Variants in SLCO3A1 observed in about 807,000 individuals in gnomAD.
The protein encoded by SLCO3A1 is solute carrier organic anion transporter family member 3A1, also known as PGE1 transporter.
Under a neutral mutation model 63.1 loss-of-function variants are expected in SLCO3A1, and 27 were observed. That is an observed-to-expected ratio of 0.43 (90% CI 0.32 to 0.59). The LOEUF is 0.59. Among genes scored for constraint, SLCO3A1 ranks in the 20% least tolerant of loss-of-function variants. SLCO3A1 has a pLI of 0.09. For synonymous variants in SLCO3A1, 473 were observed against 409.9 expected (o/e 1.15, Z -1.86); for missense variants, 773 against 945.8 (o/e 0.82, Z 2.40).
At chr15:92,171,684 C>T (rs2048522287) in intron 10 of SLCO3A1, 1 of 871,618 alleles carries the variant, frequency 1.1e-6, no homozygotes, top group Non-Finnish European at 1.9e-6. Context: ...CACTGCAAAG[C>T]CATCATGCTA....
chr15:91,963,418 G>GGGGGGGGGGGGGGGGGGGC (rs1374411021), intron 2 of SLCO3A1, among the ~76,000 whole-genome samples: 1 of 130,582 alleles, frequency 7.7e-6, no homozygotes, highest in African/African-American at 2.8e-5. Context: ...TGGGGGGGGG[G>GGGGGGGGGGGGGGGGGGGC]GGCGGCAGCA....
intron 2 of SLCO3A1, among the ~76,000 whole-genome samples, chr15:91,995,370 C>T (rs564865030): frequency 6.6e-6 from 1 of 152,218 alleles, no homozygotes; most frequent in East Asian, 1.9e-4. Context: ...GTGAGGAGCC[C>T]ATGGGATAAT....
At chr15:92,168,184 C>T (rs1030971489), downstream of SLCO3A1, among the ~76,000 whole-genome samples, 1 of 152,188 alleles carries the variant, frequency 6.6e-6, no homozygotes, top group African/African-American at 2.4e-5. Flanking sequence ...AGAGCCAATT[C>T]ATGATGGTGG....
chr15:92,117,040 A>C (rs1454216740), intron 4 of SLCO3A1, among the ~76,000 whole-genome samples: 2 of 152,256 alleles, frequency 1.3e-5, no homozygotes, highest in Non-Finnish European at 2.9e-5. Flanking sequence ...AAAAGCAGGC[A>C]GACTTCTATC....
In SLCO3A1 at chr15:91,968,912, G is replaced by A. The variant is rs186349035; in HGVS notation, c.646+52454G>A. On this transcript the variant is annotated intron_variant, in intron 2 of 9. Coordinates refer to ENST00000318445, the MANE Select transcript of SLCO3A1 (RefSeq NM_013272.4). The surrounding 1 kb of genome is among the most constrained non-coding windows in gnomAD (Gnocchi z 4.2). ...CCTACCCAGGGGATCTGGCAAACTC[G>A]TGTTGCTCCATGTAGAGTCAGCTCA... Among the ~76,000 whole-genome samples the A allele has an allele frequency of 1.3e-5, 2 of 152,260 alleles. No individual in the cohort carries two copies. Among genetic ancestry groups the A allele is most frequent in the Admixed American group, 6.5e-5 (1 of 15,298 alleles).
chr15:92,081,931 G>T (rs748899445), intron 2 of SLCO3A1, among the ~76,000 whole-genome samples: 49 of 152,210 alleles, frequency 3.2e-4, no homozygotes, highest in Non-Finnish European at 6.8e-4. Context: ...TGATCTAAGA[G>T]GTCAACAGGT....
chr15:91,955,961 A>G (rs1336521082), intron 2 of SLCO3A1, among the ~76,000 whole-genome samples: 1 of 152,112 alleles, frequency 6.6e-6, no homozygotes, highest in Non-Finnish European at 1.5e-5. Context: ...TATTGTTTTT[A>G]CTATTATTAC....
Position 91,894,288 on chromosome 15 carries a change from A to G in SLCO3A1, c.181-21705A>G, listed in dbSNP as rs1382435093. Among the ~76,000 whole-genome samples the G allele has an allele frequency of 6.6e-6, 1 of 152,144 alleles. No individual in the cohort carries two copies. The highest frequency in any genetic ancestry group is 1.5e-5 in the Non-Finnish European group (1 of 68,006). On this transcript the variant is annotated intron_variant, in intron 1 of 9. Transcript: ENST00000318445. This position sits in a 1 kb window ranked among gnomAD's most constrained non-coding sequence, Gnocchi z 4.8. The stretch of plus-strand genomic sequence containing the variant: ...TTGCAGGCCAGGAGGGTCCGGAGTT[A>G]GGATTTTATTCCAGGCCCATGGGGA...
At chr15:91,934,082 G>A (rs1053850889) in intron 2 of SLCO3A1, among the ~76,000 whole-genome samples, 2 of 152,114 alleles carry the variant, frequency 1.3e-5, no homozygotes, top group African/African-American at 4.8e-5. Context: ...CAGAAGACAT[G>A]AGACTCCTGG....
chr15:91,922,393 A>G (rs1328692680), intron 2 of SLCO3A1, among the ~76,000 whole-genome samples: 3 of 152,222 alleles, frequency 2.0e-5, no homozygotes, highest in Non-Finnish European at 4.4e-5. Context: ...TTCTTTGTTT[A>G]TCACTTATCC....
chr15:91,855,084 G>T (rs1440183120), intron 1 of SLCO3A1, among the ~76,000 whole-genome samples: 1 of 152,132 alleles, frequency 6.6e-6, no homozygotes, highest in Non-Finnish European at 1.5e-5. Context: ...ACCCGCAACT[G>T]GAATCAAATG....
chr15:92,086,486 T>G (rs184744889), intron 2 of SLCO3A1, among the ~76,000 whole-genome samples: 9 of 152,334 alleles, frequency 5.9e-5, no homozygotes, highest in Non-Finnish European at 1.3e-4. Flanking sequence ...TATAGTAGTT[T>G]TTATATAGTC....
rs187056306 is a variant in SLCO3A1, at chr15:91,885,826, A to G, written c.181-30167A>G. Among the ~76,000 whole-genome samples the G allele has an allele frequency of 6.6e-6, 1 of 152,200 alleles. No homozygotes were observed. Among genetic ancestry groups the G allele is most frequent in the African/African-American group, 2.4e-5 (1 of 41,436 alleles). On this transcript the variant is annotated intron_variant, in intron 1 of 9. Coordinates refer to ENST00000318445, the MANE Select transcript of SLCO3A1 (RefSeq NM_013272.4). This position sits in a 1 kb window ranked among gnomAD's most constrained non-coding sequence, Gnocchi z 4.7. ...CTCTCTGGGCGGGTGATATTTGAGT[A>G]GATTTGAAAGAAGTGTGAGATCAAA...
chr15:92,145,713 C>T (rs2151587070), intron 7 of SLCO3A1, among the ~76,000 whole-genome samples: 2 of 152,294 alleles, frequency 1.3e-5, no homozygotes, highest in South Asian at 2.1e-4. Context: ...GCCTCGGGAT[C>T]TTCTGGGAAT....
intron 2 of SLCO3A1, among the ~76,000 whole-genome samples, chr15:92,074,789 G>T (rs772669475): frequency 2.6e-5 from 4 of 152,072 alleles, no homozygotes; most frequent in African/African-American, 4.8e-5. Context: ...GGTGGGGGGT[G>T]GCCAGGAGCT....
chr15:92,080,924 T>A (rs1290504956), intron 2 of SLCO3A1, among the ~76,000 whole-genome samples: 1 of 149,616 alleles, frequency 6.7e-6, no homozygotes, highest in Non-Finnish European at 1.5e-5. Context: ...TTCATTTTTA[T>A]GGATACATAG....
chr15:91,891,982 A>G (rs1298166491), intron 1 of SLCO3A1, among the ~76,000 whole-genome samples: 2 of 152,224 alleles, frequency 1.3e-5, no homozygotes, highest in African/African-American at 4.8e-5. Flanking sequence ...GCCTTGGGCC[A>G]TAGTATGTGG....
chr15:92,005,909 G>A (rs977370142), intron 2 of SLCO3A1, among the ~76,000 whole-genome samples: 14 of 152,122 alleles, frequency 9.2e-5, no homozygotes, highest in Admixed American at 5.2e-4. Context: ...GGGACTGAGC[G>A]AAAGCGTTTC....
chr15:92,030,930 G>T (rs2046639362), intron 2 of SLCO3A1, among the ~76,000 whole-genome samples: 1 of 143,888 alleles, frequency 6.9e-6, no homozygotes, highest in Non-Finnish European at 1.5e-5. Context: ...TTCCCATTTT[G>T]TTCTTAACTG....
Sources: gnomAD v4.1 joint callset for allele counts (sites outside exome capture counted in the v4.1 genomes callset) on GRCh38, gnomAD v4.1.1 for gene constraint, Gnocchi (gnomAD v3.1) non-coding constraint, MANE v1.5 for transcripts, NCBI Gene and HGNC (gene_info 2026-07-23, HGNC 2026-07-21) for gene names.